Variants in SCN2A observed in about 807,000 individuals in gnomAD.
SCN2A encodes the protein sodium voltage-gated channel alpha subunit 2, also known as sodium channel protein type 2 subunit alpha.
In SCN2A, 20 loss-of-function variants were observed where a neutral mutation model predicts 188.7. The ratio of observed to expected loss-of-function variants is 0.11; its 90% CI spans 0.07 to 0.15. The LOEUF (loss-of-function observed/expected upper bound fraction) is 0.15, where lower values mean the gene tolerates loss of function less well. SCN2A is among the 10% of genes least tolerant of loss of function. The probability of loss-of-function intolerance (pLI) is 1.00; values close to 1 mark genes in which losing one functional copy is unlikely to be tolerated. For missense variants in SCN2A, 1,278 were observed against 2,445.0 expected (o/e 0.52, Z 10.07); for synonymous variants, 804 against 833.1 (o/e 0.97, Z 0.60).
chr2:165,297,122 AT>A lies in SCN2A; in HGVS notation c.377del (p.Leu126TrpfsTer21). 1 of 1,557,326 alleles carries A rather than the reference AT, an allele frequency of 6.4e-7. No homozygotes were observed. Among genetic ancestry groups the A allele is most frequent in the Non-Finnish European group, 8.9e-7 (1 of 1,128,950 alleles). On this transcript the variant is annotated frameshift_variant, in exon 3 of 27. Transcript: ENST00000375437. LOFTEE classifies it high-confidence loss of function. ...CCCTATTAGAAAATTAGCTATTAAG[AT>A]TTTGGTACATTCATATCCTTTTTCA... ...FNPIRKLAIK[I>X]LVHSLFNMLI...
chr2:165,345,973 A>C (rs1699564129), intron 16 of SCN2A, among the ~76,000 whole-genome samples: 1 of 152,128 alleles, frequency 6.6e-6, no homozygotes, highest in Admixed American at 6.6e-5. Flanking sequence ...TATGAAGCTT[A>C]GTTTGGCTGG....
At chr2:165,382,226 G>A (rs989960389) in intron 25 of SCN2A, among the ~76,000 whole-genome samples, 32 of 152,100 alleles carry the variant, frequency 2.1e-4, no homozygotes, top group African/African-American at 6.7e-4. Flanking sequence ...CTGGTTTTCC[G>A]AGTTACATGA....
intron 19 of SCN2A, 131 bp from the exon 20 acceptor site, chr2:165,369,995 C>G (rs1700941538): frequency 1.4e-6 from 1 of 719,760 alleles, no homozygotes; most frequent in African/African-American, 1.8e-5. Context: ...AAGTAAAATT[C>G]AGCCATGGGA....
chr2:165,379,143 A>T (rs1701465916), intron 23 of SCN2A, among the ~76,000 whole-genome samples: 1 of 151,854 alleles, frequency 6.6e-6, no homozygotes, highest in Non-Finnish European at 1.5e-5. Context: ...GTTTAGGATA[A>T]TCTATGTACA....
At chr2:165,257,981 TTTGTTG>T (rs142097858) in intron 1 of SCN2A, among the ~76,000 whole-genome samples, 256 of 151,684 alleles carry the variant, frequency 1.7e-3, no homozygotes, top group African/African-American at 5.8e-3. Flanking sequence ...TAATGGTGGT[TTTGTTG>T]TTGTTGTTGT....
Position 165,392,080 on chromosome 2 carries a change from A to G in SCN2A, c.*2256A>G, listed in dbSNP as rs943212779. On this transcript the variant is annotated 3_prime_UTR_variant, in exon 27 of 27. Coordinates refer to ENST00000375437, the MANE Select transcript of SCN2A (RefSeq NM_001040142.2). ...TGTTGTCTTTGTTTCTATCTTTGAA[A>G]TGCCATTTAAAGGTAGATTTCTATC... The G allele has an allele frequency of 3.9e-5, 6 of 152,548 alleles. No homozygotes were observed. The highest frequency in any genetic ancestry group is 1.3e-4 in the Admixed American group (2 of 15,260). The allele number at this position is 152,548 out of a possible 1,614,324, so 9.4% of individuals were successfully genotyped here.
chr2:165,243,171 G>A lies in SCN2A; in HGVS notation c.-52+3531G>A, dbSNP rs1241177710. 2.6e-5 allele frequency among the ~76,000 whole-genome samples: 4 copies of A among 151,984 alleles called. No individual in the cohort carries two copies. In the East Asian group the frequency reaches 7.7e-4, roughly 29 times the overall value. ...CTATTTAAAACTTGTATTGAATTAG[G>A]CCAACACATATCTATTATACATATC... On this transcript the variant is annotated intron_variant, in intron 1 of 26. Coordinates refer to ENST00000375437, the MANE Select transcript of SCN2A (RefSeq NM_001040142.2).
At chr2:165,265,807 T>G (rs1694834376) in intron 1 of SCN2A, among the ~76,000 whole-genome samples, 1 of 151,178 alleles carries the variant, frequency 6.6e-6, no homozygotes, top group Admixed American at 6.6e-5. Context: ...TTTTTCCTTC[T>G]TCTTTCTTTC....
At chr2:165,302,248 G>C (rs1696855610) in intron 3 of SCN2A, among the ~76,000 whole-genome samples, 1 of 152,142 alleles carries the variant, frequency 6.6e-6, no homozygotes, top group African/African-American at 2.4e-5. Flanking sequence ...GCAAATAGGA[G>C]TTTGTTCATA....
At position 165,374,899 on chromosome 2, in the gene SCN2A, C is replaced by T. The variant is rs914316483; in HGVS notation, c.4187C>T (p.Ala1396Val). Reference protein sequence around the residue: ...CKALIESNQTARWKNVKVNFD... With the variant: ...CKALIESNQTVRWKNVKVNFD... ...GCTCTCATTGAGAGCAATCAAACTGCCAGGTGGAAAAATGTGAAAGTAAAC... is the reference window on the plus strand; with the variant it reads ...GCTCTCATTGAGAGCAATCAAACTGTCAGGTGGAAAAATGTGAAAGTAAAC... The change falls in exon 22 of 27, where the codon GCC (alanine) becomes GTC (valine). Residue 1396 changes from alanine (A) to valine (V), a missense_variant. This residue lies in a region of SCN2A where 32 missense variants were observed against 42.5 expected (regional missense o/e 0.75). Transcript: ENST00000375437. 2 of 1,613,390 alleles carry T rather than the reference C, an allele frequency of 1.2e-6. No individual in the cohort carries two copies. Among genetic ancestry groups the T allele is most frequent in the Admixed American group, 3.3e-5 (2 of 59,896 alleles).
intron 17 of SCN2A, among the ~76,000 whole-genome samples, chr2:165,357,678 T>C (rs1231297202): frequency 6.6e-6 from 1 of 152,212 alleles, no homozygotes; most frequent in Non-Finnish European, 1.5e-5. Context: ...GAGTATTTAA[T>C]AATGTGGAAG....
intron 11 of SCN2A, among the ~76,000 whole-genome samples, chr2:165,321,061 A>G (rs945387650): frequency 6.6e-6 from 1 of 152,202 alleles, no homozygotes; most frequent in Non-Finnish European, 1.5e-5. Flanking sequence ...GCAGTACCTA[A>G]GTCACCACTT....
chr2:165,374,829 G>A lies in SCN2A; in HGVS notation c.4117G>A (p.Glu1373Lys). ...FYHCINYTTG[E>K]MFDVSVVNNY... ...CCATTGTATTAATTACACCACTGGA[G>A]AGATGTTTGATGTAAGCGTGGTCAA... The change falls in exon 22 of 27, where the codon GAG becomes AAG. Residue 1373 changes from glutamate (E) to lysine (K), a missense_variant. Transcript: ENST00000375437. 2 of 1,613,598 alleles carry A rather than the reference G, an allele frequency of 1.2e-6. No homozygotes were observed. The highest frequency in any genetic ancestry group is 8.5e-7 in the Non-Finnish European group (1 of 1,179,688).
chr2:165,354,304 A>C lies in SCN2A; in HGVS notation c.3032A>C (p.Gln1011Pro), dbSNP rs2105336944. Residue 1011 changes from glutamine to proline, a missense_variant, in exon 17 of 27, where the codon CAG (glutamine) becomes CCG (proline). Physicochemically the swap from Gln to Pro is moderately conservative, Grantham distance 76. Transcript: ENST00000375437. The part of the protein sequence containing the change: ...NNLQIAVGRM[Q>P]KGIDFVKRKI... ...CTCCAGATTGCTGTGGGAAGGATGC[A>C]GAAAGGAATCGATTTTGTTAAAAGA... The C allele has an allele frequency of 1.2e-6, 2 of 1,614,154 alleles. No individual in the cohort carries two copies. Among genetic ancestry groups the C allele is most frequent in the Non-Finnish European group, 1.7e-6 (2 of 1,180,014 alleles).
chr2:165,243,203 G>A (rs868109449), intron 1 of SCN2A, among the ~76,000 whole-genome samples: 1 of 152,048 alleles, frequency 6.6e-6, no homozygotes, highest in Admixed American at 6.6e-5. Context: ...TATCTAGTTT[G>A]ATTACTAAGG....
rs567550414 is a variant in SCN2A at position 165,251,325 on chromosome 2, G to A, written c.-52+11685G>A. Among the ~76,000 whole-genome samples the A allele has an allele frequency of 1.6e-3, 249 of 152,142 alleles. 1 individual carries two copies. Among genetic ancestry groups the A allele is most frequent in the African/African-American group, 4.6e-3 (190 of 41,520 alleles). On this transcript the variant is annotated intron_variant, in intron 1 of 26. Transcript: ENST00000375437. ...AACATCTGTGATTCAAGTGAGAGTCGTGGTGGTAGAAAACAAAACAAAAGA... is the reference window on the plus strand; with the variant it reads ...AACATCTGTGATTCAAGTGAGAGTCATGGTGGTAGAAAACAAAACAAAAGA...
intron 11 of SCN2A, among the ~76,000 whole-genome samples, chr2:165,318,415 A>G (rs949867850): frequency 6.6e-6 from 1 of 152,194 alleles, no homozygotes; most frequent in Non-Finnish European, 1.5e-5. Context: ...GTGATAAGCT[A>G]GGAGTTTAGG....
chr2:165,380,611 A>G lies in SCN2A; in HGVS notation c.4328A>G (p.Tyr1443Cys). The change falls in exon 24 of 27, where the codon TAT (tyrosine) becomes TGT (cysteine). Residue 1443 changes from tyrosine to cysteine, a missense_variant. Around this residue, in one of 17 missense-constraint regions of SCN2A, gnomAD observed 97 missense variants for 266.1 expected, o/e 0.36. Coordinates refer to ENST00000375437, the MANE Select transcript of SCN2A (RefSeq NM_001040142.2). ...DSRNVELQPK[Y>C]EDNLYMYLYF... ...CTTTAGGTAGAATTACAACCCAAGT[A>G]TGAAGACAACCTGTACATGTATCTT... 6.3e-7 allele frequency: 1 copy of G among 1,583,288 alleles called. No individual in the cohort carries two copies. Among genetic ancestry groups the G allele is most frequent in the Non-Finnish European group, 8.7e-7 (1 of 1,153,058 alleles).
At chr2:165,332,313 C>T (rs891786396) in intron 14 of SCN2A, among the ~76,000 whole-genome samples, 2 of 151,890 alleles carry the variant, frequency 1.3e-5, no homozygotes, top group Non-Finnish European at 1.5e-5. Context: ...TATTTTTAGG[C>T]TCTGAAGTAA....
Sources: allele counts gnomAD v4.1 joint callset (sites outside exome capture counted in the v4.1 genomes callset), GRCh38; gene constraint gnomAD v4.1.1; regional missense constraint gnomAD v4.1.1; transcripts MANE v1.5; gene names NCBI Gene and HGNC (gene_info 2026-07-23, HGNC 2026-07-21).